The following IRAG2 variants were observed in gnomAD, a reference collection of about 807,000 sequenced individuals.
IRAG2 encodes inositol 1,4,5-triphosphate receptor associated 2, also known as lymphoid restricted membrane protein.
In IRAG2, 45 loss-of-function variants were observed where a neutral mutation model predicts 69.9. The ratio of observed to expected loss-of-function variants is 0.64; its 90% CI spans 0.51 to 0.83. The LOEUF is 0.83. Among genes scored for constraint, IRAG2 ranks in the 40% least tolerant of loss-of-function variants. IRAG2 has a pLI of 0.00. For synonymous variants in IRAG2, 193 were observed against 202.4 expected, an observed-to-expected ratio of 0.95 and a Z score of 0.40; for missense variants, 520 against 587.0, an observed-to-expected ratio of 0.89 and a Z score of 1.18.
intron 7 of IRAG2, among the ~76,000 whole-genome samples, chr12:25,023,154 A>G (rs1003424300): frequency 3.3e-5 from 5 of 150,060 alleles, no homozygotes; most frequent in African/African-American, 9.7e-5. Context: ...AAGAAAAAGT[A>G]GGGCCAGAAT....
At chr12:25,075,550 G>A (rs1462100905) in intron 6 of IRAG2, among the ~76,000 whole-genome samples, 2 of 145,816 alleles carry the variant, frequency 1.4e-5, no homozygotes, top group African/African-American at 5.1e-5. Flanking sequence ...GTGTGTGTGT[G>A]TGTGTGTATG....
upstream of IRAG2, among the ~76,000 whole-genome samples, chr12:25,047,295 G>A (rs1159142589): frequency 6.6e-6 from 1 of 152,078 alleles, no homozygotes; most frequent in African/African-American, 2.4e-5. Context: ...AAAAGCACAG[G>A]CAACAAAAGC....
intron 3 of IRAG2, among the ~76,000 whole-genome samples, chr12:25,013,174 C>G (rs1944490381): frequency 6.6e-6 from 1 of 152,046 alleles, no homozygotes; most frequent in African/African-American, 2.4e-5. Context: ...GTGTATCAGG[C>G]CCTTAAAAAT....
intron 21 of IRAG2, 53 bp from the exon 22 acceptor site, chr12:25,107,764 G>T: frequency 6.4e-7 from 1 of 1,568,160 alleles, no homozygotes; most frequent in Admixed American, 1.7e-5. Flanking sequence ...CAAAAGGAAT[G>T]TTTCTAATGA....
intron 6 of IRAG2, among the ~76,000 whole-genome samples, chr12:25,073,564 A>G (rs17326180): frequency 0.048 from 7,282 of 152,324 alleles, 191 homozygotes; most frequent in Middle Eastern, 0.11. Flanking sequence ...GTGCAATATA[A>G]AAGTGAACAT....
intron 14 of IRAG2, among the ~76,000 whole-genome samples, chr12:25,095,817 T>G (rs150348507): frequency 6.6e-6 from 1 of 152,222 alleles, no homozygotes; most frequent in Non-Finnish European, 1.5e-5. Flanking sequence ...TTACTAGTTA[T>G]AGGTCTGTTC....
chr12:25,091,584 T>G (rs1007268691), intron 14 of IRAG2, among the ~76,000 whole-genome samples: 1 of 152,190 alleles, frequency 6.6e-6, no homozygotes, highest in Non-Finnish European at 1.5e-5. Context: ...TGGAGACCCT[T>G]GGAGACCTTG....
rs551506086 is a variant in IRAG2, at chr12:25,071,586, C to A, written c.24+2155C>A. 2.0e-5 allele frequency among the ~76,000 whole-genome samples: 3 copies of A among 152,228 alleles called. No individual in the cohort carries two copies. The East Asian group carries it at 5.8e-4, about 29-fold the overall frequency. ...CACATGCCATGTGATTAATCTGCTCCACACTTCTCTGCTTTTTACAAAGGA... is the reference window on the plus strand; with the variant it reads ...CACATGCCATGTGATTAATCTGCTCAACACTTCTCTGCTTTTTACAAAGGA... On this transcript the variant is annotated intron_variant, in intron 6 of 21. Transcript: ENST00000556887.
At chr12:25,089,974 G>T (rs1238819413) in intron 13 of IRAG2, 83 bp from the exon 14 acceptor site, 2 of 1,435,354 alleles carry the variant, frequency 1.4e-6, no homozygotes, top group Admixed American at 1.8e-5. Context: ...AAATGCCTCA[G>T]TATAAAACAG....
intron 13 of IRAG2, among the ~76,000 whole-genome samples, chr12:25,034,101 C>T (rs1271513435): frequency 6.6e-6 from 1 of 152,144 alleles, no homozygotes; most frequent in African/African-American, 2.4e-5. Flanking sequence ...AGTTTCTTAG[C>T]TTGGGGAGAA....
chr12:25,021,793 T>C (rs915436502), intron 7 of IRAG2, among the ~76,000 whole-genome samples: 1 of 152,262 alleles, frequency 6.6e-6, no homozygotes, highest in Non-Finnish European at 1.5e-5. Flanking sequence ...GTTCCAGCCC[T>C]GTGGCAGTCC....
intron 14 of IRAG2, chr12:25,091,065 TTAG>T (rs1397464597): frequency 5.7e-6 from 1 of 176,304 alleles, no homozygotes; most frequent in Non-Finnish European, 1.2e-5. Flanking sequence ...AGCTGGAAAA[TTAG>T]TAGGCTTAGT....
In IRAG2 at chr12:25,069,424, G is replaced by A. The variant is rs763132099; in HGVS notation, c.17G>A (p.Ser6Asn). The A allele has an allele frequency of 8.1e-6, 13 of 1,613,942 alleles. No individual in the cohort carries two copies. The Admixed American group carries it at 1.0e-4, about 12-fold the overall frequency. Residue 6 changes from serine (S) to asparagine (N), a missense_variant, in exon 6 of 22, where the codon AGT becomes AAT. By Grantham distance (46) the Ser-to-Asn change is conservative. Transcript: ENST00000556887. The part of the protein sequence containing the change: MNDDP[S>N]MEENGVERVC... ...TGCATCAGGATGAATGATGACCCAA[G>A]TATGGAAGTGAGTGTTGGACTGGAT...
intron 9 of IRAG2, among the ~76,000 whole-genome samples, chr12:25,029,562 T>C (rs913875546): frequency 7.2e-5 from 11 of 152,242 alleles, no homozygotes; most frequent in African/African-American, 2.4e-5. Context: ...ATTCATTCTA[T>C]AATATGCAGC....
At chr12:25,099,100 C>T (rs866750517) in intron 15 of IRAG2, among the ~76,000 whole-genome samples, 7 of 152,260 alleles carry the variant, frequency 4.6e-5, no homozygotes, top group Non-Finnish European at 7.4e-5. Context: ...TCCATGTGCA[C>T]GCAATCCCCC....
intron 7 of IRAG2, among the ~76,000 whole-genome samples, chr12:25,021,747 A>G (rs548063803): frequency 6.6e-6 from 1 of 152,326 alleles, no homozygotes; most frequent in Admixed American, 6.5e-5. Context: ...CAGTTGCAAA[A>G]CTGTTTTTAG....
rs1949348187 is a variant in IRAG2 at position 25,108,144 on chromosome 12, G to C, written c.*84G>C. ...AAATTAGTAACTTTTAGCTGGGAAA[G>C]TATAGCATGAAACCAGAGGTTCTCA... On this transcript the variant is annotated 3_prime_UTR_variant, in exon 22 of 22. Coordinates refer to ENST00000556887, the MANE Select transcript of IRAG2 (RefSeq NM_001366544.2). The C allele has an allele frequency of 6.8e-7, 1 of 1,468,780 alleles. No individual in the cohort carries two copies. 91.0% of individuals were successfully genotyped at this position (1,468,780 alleles called of 1,614,324 possible).
chr12:25,093,949 T>C (rs989085728), intron 14 of IRAG2: 15 of 152,258 alleles, frequency 9.9e-5, no homozygotes, highest in African/African-American at 3.4e-4. Flanking sequence ...GATTTTTAAT[T>C]GTTGAGTTGC....
At chr12:25,065,733 G>A (rs1044992166) in intron 4 of IRAG2, among the ~76,000 whole-genome samples, 17 of 152,082 alleles carry the variant, frequency 1.1e-4, no homozygotes, top group African/African-American at 3.9e-4. Flanking sequence ...TTAGTGGCAC[G>A]AACACGGCTC....
Sources: allele counts gnomAD v4.1 joint callset (sites outside exome capture counted in the v4.1 genomes callset), GRCh38; gene constraint gnomAD v4.1.1; transcripts MANE v1.5; gene names NCBI Gene and HGNC (gene_info 2026-07-23, HGNC 2026-07-21).